PPP1R1C: variants seen among roughly 807,000 people sequenced by gnomAD.
PPP1R1C encodes protein phosphatase 1 regulatory inhibitor subunit 1C.
In PPP1R1C, 15 loss-of-function variants were observed where a neutral mutation model predicts 17.4. The ratio of observed to expected loss-of-function variants is 0.86; its 90% confidence interval spans 0.58 to 1.33. The LOEUF is 1.33. Ranked by LOEUF, PPP1R1C falls within the 40% of genes most tolerant of loss-of-function variation. PPP1R1C has a pLI of 0.00. For missense variants in PPP1R1C, 143 were observed against 130.0 expected (o/e 1.10, Z -0.48); for synonymous variants, 35 against 43.1 (o/e 0.81, Z 0.73).
chr2:181,955,438 C>G (rs894060739), intron 1 of PPP1R1C, among the ~76,000 whole-genome samples: 1 of 152,128 alleles, frequency 6.6e-6, no homozygotes, highest in Non-Finnish European at 1.5e-5. Context: ...ATGTAATTAT[C>G]GTTTCCCTTT....
intron 4 of PPP1R1C, among the ~76,000 whole-genome samples, chr2:182,076,361 ATT>A (rs112297364): frequency 0.043 from 6,139 of 142,518 alleles, 324 homozygotes; most frequent in Admixed American, 0.13. Flanking sequence ...CGCCCGACTA[ATT>A]TTTTTTTTTT....
intron 4 of PPP1R1C, among the ~76,000 whole-genome samples, chr2:182,100,783 C>A (rs1432494129): frequency 6.6e-6 from 1 of 152,130 alleles, no homozygotes; most frequent in Non-Finnish European, 1.5e-5. Context: ...TAGGAAACAG[C>A]GGTCATCAGG....
intron 2 of PPP1R1C, among the ~76,000 whole-genome samples, chr2:182,051,332 A>G (rs1190541657): frequency 2.6e-5 from 4 of 152,172 alleles, no homozygotes; most frequent in Non-Finnish European, 5.9e-5. Flanking sequence ...GGAGGTGGAG[A>G]GGTAAAGAAT....
At chr2:182,083,878 A>T (rs1172261951) in intron 4 of PPP1R1C, among the ~76,000 whole-genome samples, 1 of 152,152 alleles carries the variant, frequency 6.6e-6, no homozygotes, top group African/African-American at 2.4e-5. Flanking sequence ...TAAAATTTCC[A>T]CCAGCAGTGT....
chr2:182,108,997 A>G (rs1166089946), intron 4 of PPP1R1C, among the ~76,000 whole-genome samples: 1 of 152,064 alleles, frequency 6.6e-6, no homozygotes, highest in Admixed American at 6.6e-5. Context: ...CTTCGCTAGC[A>G]TTTCTCAGTG....
Position 182,111,448 on chromosome 2 carries a change from G to A in PPP1R1C, c.242-5759G>A, listed in dbSNP as rs567250252. 1.4e-3 allele frequency among the ~76,000 whole-genome samples: 218 copies of A among 152,128 alleles called. 4 individuals are homozygous for A. The South Asian group carries it at 0.032, about 22-fold the overall frequency. ...ACTGTGCTGTCTACATATAATTTACGTCAAATAAAATAGAAAGGGATACAT... is the reference window on the plus strand; with the variant it reads ...ACTGTGCTGTCTACATATAATTTACATCAAATAAAATAGAAAGGGATACAT... On this transcript the variant is annotated intron_variant, in intron 4 of 4. Transcript: ENST00000682840.
At chr2:181,971,643 G>C (rs990445097) in intron 1 of PPP1R1C, among the ~76,000 whole-genome samples, 2 of 152,126 alleles carry the variant, frequency 1.3e-5, no homozygotes, top group Non-Finnish European at 2.9e-5. Flanking sequence ...ACCTTGCCAA[G>C]GAATTGCAGT....
intron 2 of PPP1R1C, among the ~76,000 whole-genome samples, chr2:182,023,352 A>G (rs575690989): frequency 6.6e-6 from 1 of 152,314 alleles, no homozygotes; most frequent in East Asian, 1.9e-4. Context: ...AGGCAAGCTA[A>G]AAGTGAAATT....
chr2:182,123,217 G>GTATATGTGCCACATTTTATTTA (rs1689778296), intron 5 of PPP1R1C, among the ~76,000 whole-genome samples: 1 of 152,194 alleles, frequency 6.6e-6, no homozygotes, highest in Admixed American at 6.5e-5. Flanking sequence ...ATTCCATGGT[G>GTATATGTGCCACATTTTATTTA]TATATGTGCC....
intron 4 of PPP1R1C, among the ~76,000 whole-genome samples, chr2:182,066,211 A>G (rs1196163): frequency 0.042 from 6,421 of 152,186 alleles, 417 homozygotes; most frequent in Admixed American, 0.18. Flanking sequence ...ATTATTCACC[A>G]TGTATTCCCC....
intron 1 of PPP1R1C, among the ~76,000 whole-genome samples, chr2:181,986,429 G>T (rs1685299884): frequency 6.6e-6 from 1 of 152,068 alleles, no homozygotes; most frequent in Admixed American, 6.5e-5. Flanking sequence ...GGGGAAAATG[G>T]CTCTGTAAGC....
chr2:182,117,122 CTCTTT>C (rs753426202), intron 4 of PPP1R1C, 80 bp from the exon 5 acceptor site: 63 of 969,252 alleles, frequency 6.5e-5, no homozygotes, highest in African/African-American at 2.7e-4. Flanking sequence ...AAACTTTGCA[CTCTTT>C]TCTTTATCTT....
At chr2:182,063,848 C>A in intron 4 of PPP1R1C, 57 bp downstream of exon 4, 1 of 1,310,872 alleles carries the variant, frequency 7.6e-7, no homozygotes, top group Non-Finnish European at 1.1e-6. Flanking sequence ...GCTGGTCGGC[C>A]GTCTGTTCTC....
intron 2 of PPP1R1C, among the ~76,000 whole-genome samples, chr2:182,005,396 T>A (rs994543408): frequency 7.9e-5 from 12 of 152,196 alleles, no homozygotes; most frequent in African/African-American, 2.9e-4. Context: ...GAATAGCTAA[T>A]CTTAAAATGT....
intron 2 of PPP1R1C, among the ~76,000 whole-genome samples, chr2:182,017,767 G>A (rs1686302415): frequency 6.6e-6 from 1 of 152,046 alleles, no homozygotes; most frequent in African/African-American, 2.4e-5. Flanking sequence ...GTATTTAATA[G>A]GAGTTTACTG....
intron 2 of PPP1R1C, among the ~76,000 whole-genome samples, chr2:181,977,271 C>G (rs1358232055): frequency 6.7e-6 from 1 of 149,168 alleles, no homozygotes; most frequent in Non-Finnish European, 1.5e-5. Context: ...GTAATTACAT[C>G]CTCTGTAGTT....
intron 2 of PPP1R1C, among the ~76,000 whole-genome samples, chr2:181,996,967 C>A (rs149272146): frequency 0.029 from 4,479 of 152,286 alleles, 226 homozygotes; most frequent in African/African-American, 0.1. Context: ...CGGTGGCTCA[C>A]GCCTGTAATT....
chr2:182,000,941 T>C (rs1230105622), intron 2 of PPP1R1C, among the ~76,000 whole-genome samples: 1 of 152,144 alleles, frequency 6.6e-6, no homozygotes, highest in Non-Finnish European at 1.5e-5. Flanking sequence ...TGGCTGCAAA[T>C]AAAGCTCTGA....
At chr2:182,066,731 C>A (rs938426751) in intron 4 of PPP1R1C, among the ~76,000 whole-genome samples, 3 of 152,044 alleles carry the variant, frequency 2.0e-5, no homozygotes, top group African/African-American at 7.2e-5. Context: ...TATTGTGTTT[C>A]ATGATTATGC....
Sources: gnomAD v4.1 joint callset for allele counts (sites outside exome capture counted in the v4.1 genomes callset) on GRCh38, gnomAD v4.1.1 for gene constraint, MANE v1.5 for transcripts, NCBI Gene and HGNC (gene_info 2026-07-23, HGNC 2026-07-21) for gene names.